IPO7: variants seen among roughly 807,000 people sequenced by gnomAD.
The protein encoded by IPO7 is importin-7.
IPO7 carries 13 observed loss-of-function variants against 136.4 expected under a neutral mutation model. That is an observed-to-expected ratio of 0.10 (90% CI 0.06 to 0.15). The LOEUF (loss-of-function observed/expected upper bound fraction) is 0.15. Ranked by LOEUF, IPO7 falls within the 10% of genes least tolerant of loss-of-function variation. The pLI is 1.00. For synonymous variants in IPO7, 403 were observed against 404.4 expected (o/e 1.00, Z 0.04); for missense variants, 857 against 1,240.6 (o/e 0.69, Z 4.65).
chr11:9,427,271 G>C lies in IPO7; in HGVS notation c.1336-1269G>C, dbSNP rs191075675. 3.3e-5 allele frequency among the ~76,000 whole-genome samples: 5 copies of C among 152,080 alleles called. No homozygotes were observed. The East Asian group carries it at 7.7e-4, about 24-fold the overall frequency. ...TAGTCATTGTGTCTTTTATCTTTTC[G>C]TTTTTTGGAAATGGAGCCTCGTTCT... On this transcript the variant is annotated intron_variant, in intron 12 of 24. Coordinates refer to ENST00000379719, the MANE Select transcript of IPO7 (RefSeq NM_006391.3).
intron 13 of IPO7, 99 bp from the exon 14 acceptor site, chr11:9,428,932 A>G: frequency 9.4e-7 from 1 of 1,064,790 alleles, no homozygotes; most frequent in East Asian, 2.4e-5. Flanking sequence ...ACCACTGGCC[A>G]GCCTCCAAAT....
Position 9,402,399 on chromosome 11 carries a change from C to CAAA in IPO7, c.85-865_85-863dup, listed in dbSNP as rs71062846. Among the ~76,000 whole-genome samples the CAAA allele has an allele frequency of 3.3e-3, 147 of 44,898 alleles. 6 individuals are homozygous for CAAA. The East Asian group carries it at 0.04, about 12-fold the overall frequency. The allele number at this position is 44,898 out of a possible 152,430, so 29.5% of individuals were successfully genotyped here. A position where few individuals can be genotyped will look rare whatever the true frequency, so the allele number is the denominator to read the frequency against. On this transcript the variant is annotated intron_variant, in intron 1 of 24. Transcript: ENST00000379719. ...CAGGCGACAGAGCGAGACTGTGTCT[C>CAAA]AAAAAAAAAAAAAAAAAAAAAAAAA...
chr11:9,436,511 G>A lies in IPO7; in HGVS notation c.2268+145G>A, dbSNP rs1855370852. On this transcript the variant is annotated intron_variant, in intron 20 of 24. Transcript: ENST00000379719. The stretch of plus-strand genomic sequence containing the variant: ...ACAACTAATATTTTTAGTTCAAAAT[G>A]TAACTAATATATAATAATGATCATA... The A allele has an allele frequency of 7.2e-6, 4 of 558,504 alleles. No homozygotes were observed. In the South Asian group the frequency reaches 7.5e-5, roughly 11 times the overall value. The allele number at this position is 558,504 out of a possible 1,614,324, so 34.6% of individuals were successfully genotyped here.
chr11:9,408,554 T>G lies in IPO7; in HGVS notation c.235T>G (p.Ser79Ala), dbSNP rs770375683. 2 of 1,608,532 alleles carry G rather than the reference T, an allele frequency of 1.2e-6. No individual in the cohort carries two copies. Among genetic ancestry groups the G allele is most frequent in the Admixed American group, 3.4e-5 (2 of 59,070 alleles). The change falls in exon 3 of 25, where the codon TCC becomes GCC. Residue 79 changes from serine (S) to alanine (A), a missense_variant. This residue lies in a region of IPO7 where 287 missense variants were observed against 307.5 expected (regional missense o/e 0.93). Coordinates refer to ENST00000379719, the MANE Select transcript of IPO7 (RefSeq NM_006391.3). ...TCGAGAAACAGCACCAGGGGATATA[T>G]CCCCTTATACTATTCCAGAAGAAGA... ...PDRETAPGDI[S>A]PYTIPEEDRH...
chr11:9,438,881 A>G (rs947343287), intron 22 of IPO7, among the ~76,000 whole-genome samples: 1 of 152,200 alleles, frequency 6.6e-6, no homozygotes, highest in Admixed American at 6.5e-5. Context: ...GTTCTTCAAA[A>G]GTTTTCTATC....
rs189764583 is a variant in IPO7 at position 9,446,388 on chromosome 11, G to T, written c.*1194G>T. ...TTTCCCCATCTCTTCTACCGCTCTTGTTGATCGTGGTATCTGATCTTGACT... is the reference window on the plus strand; with the variant it reads ...TTTCCCCATCTCTTCTACCGCTCTTTTTGATCGTGGTATCTGATCTTGACT... On this transcript the variant is annotated 3_prime_UTR_variant, in exon 25 of 25. Transcript: ENST00000379719. The T allele has an allele frequency of 2.0e-5, 3 of 152,216 alleles. No homozygotes were observed. The East Asian group carries it at 5.8e-4, about 29-fold the overall frequency. The allele number at this position is 152,216 out of a possible 1,614,324, so 9.4% of individuals were successfully genotyped here.
intron 22 of IPO7, 46 bp downstream of exon 22, chr11:9,438,331 ATATT>A (rs1213813459): frequency 1.6e-6 from 2 of 1,231,958 alleles, no homozygotes; most frequent in South Asian, 2.4e-5. Context: ...CTACTTAGAA[ATATT>A]ACCGCACTGG....
chr11:9,405,335 C>T (rs1469244227), intron 2 of IPO7, among the ~76,000 whole-genome samples: 1 of 152,100 alleles, frequency 6.6e-6, no homozygotes, highest in Non-Finnish European at 1.5e-5. Flanking sequence ...CCACCACGCC[C>T]GGCTAATTCT....
chr11:9,441,407 T>C (rs1855458155), intron 23 of IPO7, among the ~76,000 whole-genome samples: 1 of 152,216 alleles, frequency 6.6e-6, no homozygotes, highest in South Asian at 2.1e-4. Flanking sequence ...TCCCCTGTAT[T>C]TGAAACATCT....
intron 1 of IPO7, among the ~76,000 whole-genome samples, chr11:9,392,794 C>G (rs994268800): frequency 1.3e-5 from 2 of 151,686 alleles, no homozygotes; most frequent in South Asian, 2.1e-4. Flanking sequence ...ACTAAAAATA[C>G]AAAAATTAGC....
intron 19 of IPO7, 46 bp downstream of exon 19, chr11:9,435,077 A>G: frequency 3.5e-6 from 4 of 1,130,862 alleles, no homozygotes; most frequent in Non-Finnish European, 5.3e-6. Context: ...TCTGCTATAA[A>G]ATGTATGAAA....
chr11:9,403,423 C>A (rs1304080995), intron 2 of IPO7, 52 bp downstream of exon 2: 4 of 1,384,678 alleles, frequency 2.9e-6, no homozygotes, highest in Non-Finnish European at 4.1e-6. Context: ...TTAAAAGGTT[C>A]ATAATCGAAT....
chr11:9,424,076 A>G (rs1855170391), intron 10 of IPO7, among the ~76,000 whole-genome samples, 200 bp downstream of exon 10: 1 of 152,194 alleles, frequency 6.6e-6, no homozygotes, highest in Non-Finnish European at 1.5e-5. Flanking sequence ...CACAAATTCA[A>G]TACTGTTAAG....
At chr11:9,442,759 A>AT (rs1855476339) in intron 24 of IPO7, among the ~76,000 whole-genome samples, 1 of 151,290 alleles carries the variant, frequency 6.6e-6, no homozygotes, top group African/African-American at 2.4e-5. Context: ...GTGGTGGCTC[A>AT]TGCCTGTAAT....
chr11:9,389,593 G>A (rs574567491), intron 1 of IPO7, among the ~76,000 whole-genome samples: 2 of 152,252 alleles, frequency 1.3e-5, no homozygotes, highest in Admixed American at 1.3e-4. Context: ...GAAACTATTA[G>A]ATCTGATTTT....
At position 9,445,980 on chromosome 11, in the gene IPO7, C is replaced by T. The variant is rs1035702081; in HGVS notation, c.*786C>T. The T allele has an allele frequency of 5.9e-5, 9 of 151,968 alleles. No homozygotes were observed. In the East Asian group the frequency reaches 7.7e-4, roughly 13 times the overall value. 9.4% of individuals were successfully genotyped at this position (151,968 alleles called of 1,614,324 possible). On this transcript the variant is annotated 3_prime_UTR_variant, in exon 25 of 25. Coordinates refer to ENST00000379719, the MANE Select transcript of IPO7 (RefSeq NM_006391.3). ...CTCACCTCTGATAGTGACTTGAATT[C>T]GGTATGTAAAAAGGGGTTAGTGGTA...
At chr11:9,399,894 T>G (rs1219680871) in intron 1 of IPO7, among the ~76,000 whole-genome samples, 5 of 152,198 alleles carry the variant, frequency 3.3e-5, no homozygotes, top group Non-Finnish European at 4.4e-5. Flanking sequence ...TGTTCAGGTC[T>G]TCTGTATTAG....
chr11:9,415,062 A>G (rs902589616), intron 5 of IPO7, among the ~76,000 whole-genome samples: 8 of 152,038 alleles, frequency 5.3e-5, no homozygotes, highest in Admixed American at 4.6e-4. Flanking sequence ...TCACACCTGT[A>G]ATCCCAGCAC....
At chr11:9,426,044 G>A (rs563883838) in intron 12 of IPO7, among the ~76,000 whole-genome samples, 8 of 151,496 alleles carry the variant, frequency 5.3e-5, no homozygotes, top group Non-Finnish European at 1.0e-4. Context: ...CAGAGACTCC[G>A]TCTCAAAAAA....
Sources: allele counts gnomAD v4.1 joint callset (sites outside exome capture counted in the v4.1 genomes callset), GRCh38; gene constraint gnomAD v4.1.1; regional missense constraint gnomAD v4.1.1; transcripts MANE v1.5; gene names NCBI Gene and HGNC (gene_info 2026-07-23, HGNC 2026-07-21).